PISD: variants seen among roughly 807,000 people sequenced by gnomAD.
PISD encodes the protein phosphatidylserine decarboxylase proenzyme, mitochondrial.
PISD carries 31 observed loss-of-function variants against 43.5 expected under a neutral mutation model. That is an observed-to-expected ratio of 0.71 (90% confidence interval 0.54 to 0.96). PISD has a LOEUF of 0.96. PISD is among the 40% of genes least tolerant of loss of function. The pLI is 0.00. For synonymous variants in PISD, 259 were observed against 228.7 expected (o/e 1.13, Z -1.20); for missense variants, 523 against 548.4 (o/e 0.95, Z 0.46).
At chr22:31,625,292 G>C (rs1182971904) in intron 3 of PISD, among the ~76,000 whole-genome samples, 1 of 152,234 alleles carries the variant, frequency 6.6e-6, no homozygotes, top group Non-Finnish European at 1.5e-5. Flanking sequence ...AAAAGGTCCA[G>C]GAAGGTGGCA....
rs1205343415 is a variant in PISD, at chr22:31,637,165, ATATATATATATATATATATATAT to A, written c.321+10913_321+10935del. Among the ~76,000 whole-genome samples, 33 of 13,400 alleles carry A rather than the reference ATATATATATATATATATATATAT, an allele frequency of 2.5e-3. 2 individuals carry two copies. The highest frequency in any genetic ancestry group is 9.6e-3 in the Admixed American group (8 of 830). The allele number at this position is 13,400 out of a possible 152,430, so 8.8% of individuals were successfully genotyped here. On this transcript the variant is annotated intron_variant, in intron 3 of 7. Coordinates refer to ENST00000439502, the MANE Select transcript of PISD (RefSeq NM_001326411.2). ...AATTAAAAAAAAAAAAAAAAAAAAA[ATATATATATATATATATATATAT>A]ATATATATATATATATATAGAAAAA...
chr22:31,624,318 C>T (rs1406221861), intron 3 of PISD, among the ~76,000 whole-genome samples: 3 of 152,148 alleles, frequency 2.0e-5, no homozygotes, highest in Non-Finnish European at 4.4e-5. Flanking sequence ...GGCACTGGCA[C>T]GGCAGCACAT....
At chr22:31,629,444 T>G (rs2073087748) in intron 3 of PISD, 1 of 150,098 alleles carries the variant, frequency 6.7e-6, no homozygotes, top group Admixed American at 6.7e-5. Context: ...GGAGGGGGTG[T>G]GCACAGGTGC....
chr22:31,629,829 TTG>T (rs2073112874), intron 3 of PISD: 1 of 152,086 alleles, frequency 6.6e-6, no homozygotes, highest in South Asian at 2.1e-4. Context: ...GCTTTGCAGC[TTG>T]TGTGTTCAGC....
At chr22:31,661,247 C>T (rs944371913) in intron 1 of PISD, among the ~76,000 whole-genome samples, 1 of 152,200 alleles carries the variant, frequency 6.6e-6, no homozygotes, top group Non-Finnish European at 1.5e-5. Context: ...CAGTCCAAAT[C>T]CAGTGTCCGT....
At chr22:31,639,265 G>A (rs1356108544) in intron 3 of PISD, among the ~76,000 whole-genome samples, 2 of 151,648 alleles carry the variant, frequency 1.3e-5, no homozygotes, top group African/African-American at 4.9e-5. Flanking sequence ...TCCGCCTGCT[G>A]GGTTCAAGTG....
intron 3 of PISD, chr22:31,629,171 A>G: frequency 1.0e-6 from 1 of 985,330 alleles, no homozygotes; most frequent in African/African-American, 1.7e-5. Context: ...AAGTCGATGA[A>G]TGACCCCAGG....
At chr22:31,658,389 T>C (rs1403912889) in intron 1 of PISD, among the ~76,000 whole-genome samples, 1 of 152,144 alleles carries the variant, frequency 6.6e-6, no homozygotes, top group Non-Finnish European at 1.5e-5. Context: ...TAGAAGACAA[T>C]CATGCAAAAC....
chr22:31,624,016 C>T (rs1048099166), intron 3 of PISD, among the ~76,000 whole-genome samples: 10 of 152,242 alleles, frequency 6.6e-5, no homozygotes, highest in South Asian at 2.1e-4. Context: ...TGTGCCCCCT[C>T]GTCCCAACCC....
At chr22:31,645,551 T>C (rs2073859839) in intron 3 of PISD, among the ~76,000 whole-genome samples, 1 of 146,068 alleles carries the variant, frequency 6.8e-6, no homozygotes, top group Admixed American at 6.8e-5. Flanking sequence ...TTTTTTTTTT[T>C]AGTTTTAGTA....
intron 3 of PISD, among the ~76,000 whole-genome samples, chr22:31,643,486 C>T (rs1422611778): frequency 6.6e-6 from 1 of 152,182 alleles, no homozygotes; most frequent in Non-Finnish European, 1.5e-5. Flanking sequence ...CTACAGTCCA[C>T]TACTGGGAAG....
chr22:31,627,872 C>T (rs180744149), intron 3 of PISD: 11 of 220,492 alleles, frequency 5.0e-5, no homozygotes, highest in South Asian at 1.6e-4. Flanking sequence ...GTCTGGCCTC[C>T]GGTCTCAGAG....
chr22:31,638,958 C>A (rs2073606184), intron 3 of PISD, among the ~76,000 whole-genome samples: 1 of 151,668 alleles, frequency 6.6e-6, no homozygotes, highest in South Asian at 2.1e-4. Flanking sequence ...CACCACTGCA[C>A]TCCAGACTGG....
chr22:31,653,675 A>T (rs762115538), intron 1 of PISD, among the ~76,000 whole-genome samples: 37 of 152,092 alleles, frequency 2.4e-4, no homozygotes, highest in Non-Finnish European at 4.9e-4. Flanking sequence ...TTTTTCACAT[A>T]AAACTTCCTT....
Position 31,635,576 on chromosome 22 carries a change from C to T in PISD, c.321+12525G>A, listed in dbSNP as rs545942049. Among the ~76,000 whole-genome samples, 17 of 152,306 alleles carry T rather than the reference C, an allele frequency of 1.1e-4. No individual in the cohort carries two copies. The South Asian group carries it at 1.2e-3, about 11-fold the overall frequency. On this transcript the variant is annotated intron_variant, in intron 3 of 7. Transcript: ENST00000439502. ...CCTCCCAAAGTGCTGGGATTACGGGCGTCAGCCACCATGCCCCGCTGAGTT... is the reference window on the plus strand; with the variant it reads ...CCTCCCAAAGTGCTGGGATTACGGGTGTCAGCCACCATGCCCCGCTGAGTT...
chr22:31,661,614 G>C (rs1214549738), intron 1 of PISD, among the ~76,000 whole-genome samples: 1 of 152,122 alleles, frequency 6.6e-6, no homozygotes, highest in Non-Finnish European at 1.5e-5. Context: ...GGACTCAGAA[G>C]ACCCCTCAAG....
In PISD at chr22:31,640,878, G is replaced by GTGTTTTTTTTT. The variant is rs2073688102; in HGVS notation, c.321+7212_321+7222dup. On this transcript the variant is annotated intron_variant, in intron 3 of 7. Coordinates refer to ENST00000439502, the MANE Select transcript of PISD (RefSeq NM_001326411.2). ...TTACAGGCATGAGCCACCACACCCG[G>GTGTTTTTTTTT]TGTTTTTTTTTTTTTTTTTTTTTTT... Among the ~76,000 whole-genome samples the GTGTTTTTTTTT allele has an allele frequency of 5.9e-4, 16 of 27,182 alleles. 1 individual carries two copies. The South Asian group carries it at 8.7e-3, about 15-fold the overall frequency. 17.8% of individuals were successfully genotyped at this position (27,182 alleles called of 152,430 possible). A position where few individuals can be genotyped will look rare whatever the true frequency, so the allele number is the denominator to read the frequency against.
intron 3 of PISD, among the ~76,000 whole-genome samples, chr22:31,631,013 G>A (rs1212695887): frequency 6.6e-6 from 1 of 152,250 alleles, no homozygotes; most frequent in Non-Finnish European, 1.5e-5. Flanking sequence ...GCCCCTTTAA[G>A]AGGAAGGGCC....
At chr22:31,650,619 C>A in intron 2 of PISD, 80 bp downstream of exon 2, 2 of 758,544 alleles carry the variant, frequency 2.6e-6, no homozygotes, top group Non-Finnish European at 2.2e-6. Context: ...ACTCTAACAA[C>A]AACCCTATGT....
Sources: allele counts gnomAD v4.1 joint callset (sites outside exome capture counted in the v4.1 genomes callset), GRCh38; gene constraint gnomAD v4.1.1; transcripts MANE v1.5; gene names NCBI Gene and HGNC (gene_info 2026-07-23, HGNC 2026-07-21).